The following MAP7 variants were observed in gnomAD, a reference collection of about 807,000 sequenced individuals.
The protein encoded by MAP7 is microtubule associated protein 7.
A neutral mutation model predicts 94.8 loss-of-function variants in MAP7; 52 were observed. That is an observed-to-expected ratio of 0.55 (90% CI 0.44 to 0.69). The LOEUF (loss-of-function observed/expected upper bound fraction) is 0.69. Among genes scored for constraint, MAP7 ranks in the 30% least tolerant of loss-of-function variants. The pLI is 0.00. For missense variants in MAP7, 940 were observed against 964.6 expected, an observed-to-expected ratio of 0.97 and a Z score of 0.34; for synonymous variants, 350 against 357.0, an observed-to-expected ratio of 0.98 and a Z score of 0.22.
chr6:136,414,148 G>C (rs1297918178), intron 2 of MAP7, among the ~76,000 whole-genome samples: 1 of 150,000 alleles, frequency 6.7e-6, no homozygotes, highest in African/African-American at 2.4e-5. Context: ...AGCTACTCGG[G>C]AGGCTGAGGC....
intron 1 of MAP7, among the ~76,000 whole-genome samples, chr6:136,471,631 CACTA>C (rs888974743): frequency 5.3e-5 from 8 of 152,072 alleles, no homozygotes; most frequent in African/African-American, 1.9e-4. Context: ...AGGAGACACT[CACTA>C]AATAAAGATT....
At chr6:136,448,983 G>A (rs1187815396) in intron 1 of MAP7, among the ~76,000 whole-genome samples, 1 of 146,736 alleles carries the variant, frequency 6.8e-6, no homozygotes, top group Non-Finnish European at 1.5e-5. Flanking sequence ...TCCAGGTACT[G>A]GGGACACAAC....
chr6:136,409,163 T>A (rs1582825306), intron 3 of MAP7, among the ~76,000 whole-genome samples: 1 of 151,974 alleles, frequency 6.6e-6, no homozygotes, highest in South Asian at 2.1e-4. Flanking sequence ...ACTCTGACAA[T>A]TGAAAAAAGA....
chr6:136,416,484 A>C lies in MAP7; in HGVS notation c.167-4787T>G, dbSNP rs146856206. ...CCCCACTTATTTTCCCCTGAAACAAAAGTTAGCTATAGAAAATACTTTAAA... is the reference window on the plus strand; with the variant it reads ...CCCCACTTATTTTCCCCTGAAACAACAGTTAGCTATAGAAAATACTTTAAA... On this transcript the variant is annotated intron_variant, in intron 2 of 17. Coordinates refer to ENST00000354570, the MANE Select transcript of MAP7 (RefSeq NM_003980.6). Among the ~76,000 whole-genome samples, 15 of 152,250 alleles carry C rather than the reference A, an allele frequency of 9.9e-5. No homozygotes were observed. The East Asian group carries it at 2.9e-3, about 29-fold the overall frequency.
chr6:136,434,469 G>A (rs1216953832), intron 1 of MAP7, among the ~76,000 whole-genome samples: 1 of 152,042 alleles, frequency 6.6e-6, no homozygotes, highest in Non-Finnish European at 1.5e-5. Flanking sequence ...AACAAGCAGA[G>A]ACTCCATATC....
At chr6:136,526,557 C>T (rs964083198) in intron 1 of MAP7, 50 of 985,486 alleles carry the variant, frequency 5.1e-5, no homozygotes, top group South Asian at 9.4e-5. Context: ...AGCTGAGAAG[C>T]GGCAGCTTGC....
intron 1 of MAP7, among the ~76,000 whole-genome samples, chr6:136,465,506 C>T (rs1806711871): frequency 6.6e-6 from 1 of 152,054 alleles, no homozygotes; most frequent in Non-Finnish European, 1.5e-5. Context: ...AAAACAGAAT[C>T]ATTAAGGGCA....
At chr6:136,519,707 G>A (rs1825850000) in intron 1 of MAP7, among the ~76,000 whole-genome samples, 2 of 152,128 alleles carry the variant, frequency 1.3e-5, no homozygotes, top group Non-Finnish European at 2.9e-5. Flanking sequence ...TGGGGGCGGG[G>A]GAGTACAGTT....
At position 136,466,564 on chromosome 6, in the gene MAP7, A is replaced by G. The variant is rs3799434; in HGVS notation, c.68-44765T>C. ...ATCCATAGTTTATATAATAAATATC[A>G]TTTTATTTAATTAAATTCCCACTCC... On this transcript the variant is annotated intron_variant, in intron 1 of 17. Transcript: ENST00000354570. Among the ~76,000 whole-genome samples the G allele has an allele frequency of 1.3e-4, 20 of 152,200 alleles. No homozygotes were observed. In the East Asian group the frequency reaches 3.5e-3, roughly 26 times the overall value.
chr6:136,467,831 G>A (rs1807610997), intron 1 of MAP7, among the ~76,000 whole-genome samples: 1 of 152,120 alleles, frequency 6.6e-6, no homozygotes, highest in Non-Finnish European at 1.5e-5. Flanking sequence ...TGGGCCCAAT[G>A]TGAAAAGGAA....
intron 1 of MAP7, among the ~76,000 whole-genome samples, chr6:136,535,632 C>T (rs1828814947): frequency 6.6e-6 from 1 of 151,892 alleles, no homozygotes. Flanking sequence ...AGTAACCAAC[C>T]AGAACACTAA....
chr6:136,496,439 TC>T (rs1407477981), intron 1 of MAP7, among the ~76,000 whole-genome samples: 1 of 152,138 alleles, frequency 6.6e-6, no homozygotes, highest in Non-Finnish European at 1.5e-5. Context: ...TAAACATTTG[TC>T]AATGTCATGT....
chr6:136,521,206 C>G (rs899432867), intron 1 of MAP7, among the ~76,000 whole-genome samples: 9 of 152,148 alleles, frequency 5.9e-5, no homozygotes, highest in Non-Finnish European at 8.8e-5. Flanking sequence ...TAAATGTTGA[C>G]TCATAAACAC....
intron 1 of MAP7, among the ~76,000 whole-genome samples, chr6:136,483,908 A>T (rs977309146): frequency 1.4e-4 from 21 of 152,220 alleles, no homozygotes; most frequent in Admixed American, 1.3e-4. Context: ...GATGGAATAA[A>T]TTGTCAGATG....
intron 1 of MAP7, among the ~76,000 whole-genome samples, chr6:136,506,444 T>C (rs1344706757): frequency 1.3e-5 from 2 of 152,132 alleles, no homozygotes; most frequent in East Asian, 3.8e-4. Flanking sequence ...TAGGAGTTTT[T>C]AGAGGACACA....
chr6:136,464,327 T>C (rs1806228766), intron 1 of MAP7, among the ~76,000 whole-genome samples: 1 of 152,210 alleles, frequency 6.6e-6, no homozygotes, highest in Non-Finnish European at 1.5e-5. Flanking sequence ...CTTTCTGAGG[T>C]TCCTGCTACC....
chr6:136,548,830 G>A (rs2129063877), intron 1 of MAP7, among the ~76,000 whole-genome samples: 1 of 152,332 alleles, frequency 6.6e-6, no homozygotes, highest in Admixed American at 6.5e-5. Flanking sequence ...GGTTAGGAAC[G>A]AAAATCATGC....
chr6:136,526,231 A>G, intron 1 of MAP7: 1 of 1,187,918 alleles, frequency 8.4e-7, no homozygotes, highest in African/African-American at 1.6e-5. Context: ...CGACAGGCAC[A>G]TGCGCTGGTG....
At position 136,467,043 on chromosome 6, in the gene MAP7, A is replaced by G. The variant is rs1807369532; in HGVS notation, c.68-45244T>C. On this transcript the variant is annotated intron_variant, in intron 1 of 17. Transcript: ENST00000354570. ...ACTGGGAAATGCTTCTGTTCAAAAA[A>G]GCCAGTGAAGCTCAAATGGCTATGG... Among the ~76,000 whole-genome samples the G allele has an allele frequency of 2.0e-5, 3 of 152,318 alleles. No homozygotes were observed. The South Asian group carries it at 6.2e-4, about 32-fold the overall frequency.
Sources: gnomAD v4.1 joint callset for allele counts (sites outside exome capture counted in the v4.1 genomes callset) on GRCh38, gnomAD v4.1.1 for gene constraint, MANE v1.5 for transcripts, NCBI Gene and HGNC (gene_info 2026-07-23, HGNC 2026-07-21) for gene names.